UST: variants seen among roughly 807,000 people sequenced by gnomAD.
UST encodes uronyl 2-sulfotransferase, also known as chondroitin sulfate 2-O-sulfotransferase.
A neutral mutation model predicts 45.6 loss-of-function variants in UST; 21 were observed. The ratio of observed to expected loss-of-function variants is 0.46; its 90% confidence interval spans 0.33 to 0.66. UST has a LOEUF of 0.66. UST is among the 30% of genes least tolerant of loss of function. The pLI is 0.02. For missense variants in UST, 463 were observed against 512.4 expected (o/e 0.90, Z 0.93); for synonymous variants, 215 against 200.6 (o/e 1.07, Z -0.61).
chr6:148,908,904 T>C (rs1049596291), intron 2 of UST, among the ~76,000 whole-genome samples: 1 of 152,232 alleles, frequency 6.6e-6, no homozygotes, highest in Non-Finnish European at 1.5e-5. Flanking sequence ...TAAATTAGTC[T>C]ATCAGTTCAT....
intron 1 of UST, among the ~76,000 whole-genome samples, chr6:148,871,153 TCC>T (rs1236755062): frequency 8.6e-5 from 13 of 150,800 alleles, no homozygotes; most frequent in African/African-American, 2.9e-4. Context: ...TCTCCCTCTC[TCC>T]CTCTCTCTCT....
At chr6:148,834,419 T>C (rs945977729) in intron 1 of UST, among the ~76,000 whole-genome samples, 1 of 152,072 alleles carries the variant, frequency 6.6e-6, no homozygotes, top group Non-Finnish European at 1.5e-5. Flanking sequence ...AGCCACTCAT[T>C]CATTTAGTCC....
At chr6:149,069,795 A>G (rs1028335228) in intron 7 of UST, among the ~76,000 whole-genome samples, 4 of 152,248 alleles carry the variant, frequency 2.6e-5, no homozygotes, top group African/African-American at 9.6e-5. Context: ...GAAATTAATA[A>G]CCATTTATAT....
intron 1 of UST, among the ~76,000 whole-genome samples, chr6:148,814,020 G>T (rs1180161382): frequency 6.6e-6 from 1 of 152,050 alleles, no homozygotes; most frequent in Non-Finnish European, 1.5e-5. Context: ...AACCCATCTG[G>T]ATGCATTTAC....
chr6:148,918,670 C>T (rs9498177), intron 2 of UST, among the ~76,000 whole-genome samples: 23,412 of 152,142 alleles, frequency 0.15, 2,007 homozygotes, highest in Middle Eastern at 0.27. Flanking sequence ...GATTAGGCTC[C>T]GCCAGATGGC....
chr6:148,930,085 G>A (rs528262942), intron 2 of UST, among the ~76,000 whole-genome samples: 17 of 152,238 alleles, frequency 1.1e-4, no homozygotes, highest in African/African-American at 2.6e-4. Flanking sequence ...CCAAGACTCC[G>A]TTCAAATGCC....
intron 4 of UST, among the ~76,000 whole-genome samples, chr6:148,956,342 G>A (rs1780501992): frequency 6.6e-6 from 1 of 151,236 alleles, no homozygotes; most frequent in Non-Finnish European, 1.5e-5. Context: ...TCAGAATCAT[G>A]GCAGGAGTCG....
intron 7 of UST, among the ~76,000 whole-genome samples, chr6:149,049,923 T>TCACACA (rs1165179256): frequency 1.1e-4 from 11 of 102,978 alleles, no homozygotes; most frequent in African/African-American, 3.4e-4. Context: ...TCTCTCTCTC[T>TCACACA]CTCTCTCTCA....
intron 2 of UST, among the ~76,000 whole-genome samples, chr6:148,895,311 T>A (rs1244327742): frequency 6.6e-6 from 1 of 152,186 alleles, no homozygotes; most frequent in Non-Finnish European, 1.5e-5. Flanking sequence ...AAAAACATAT[T>A]ATATTACATC....
chr6:148,778,776 T>C (rs1776581599), intron 1 of UST, among the ~76,000 whole-genome samples: 1 of 152,138 alleles, frequency 6.6e-6, no homozygotes, highest in African/African-American at 2.4e-5. Flanking sequence ...ACTCCAGGCC[T>C]GGGGCAACTT....
intron 2 of UST, among the ~76,000 whole-genome samples, chr6:148,917,443 T>C (rs1040072438): frequency 2.6e-5 from 4 of 152,366 alleles, no homozygotes; most frequent in African/African-American, 9.6e-5. Flanking sequence ...AGACCGTCTT[T>C]ACCCCATGAG....
At chr6:149,003,145 C>T (rs1246401772) in intron 5 of UST, among the ~76,000 whole-genome samples, 1 of 152,126 alleles carries the variant, frequency 6.6e-6, no homozygotes. Flanking sequence ...TAGACCATAT[C>T]GTGGCATGAT....
intron 5 of UST, among the ~76,000 whole-genome samples, chr6:148,988,787 T>C (rs1781290472): frequency 6.6e-6 from 1 of 152,040 alleles, no homozygotes; most frequent in Non-Finnish European, 1.5e-5. Context: ...CGCTTCATCA[T>C]TTCCAAGTCC....
chr6:148,957,068 T>C (rs1162104144), intron 4 of UST, among the ~76,000 whole-genome samples: 1 of 152,156 alleles, frequency 6.6e-6, no homozygotes, highest in African/African-American at 2.4e-5. Context: ...AGGGATGCAG[T>C]GCAACCCAGG....
intron 1 of UST, among the ~76,000 whole-genome samples, chr6:148,873,896 A>G (rs1266331538): frequency 2.6e-5 from 4 of 152,342 alleles, no homozygotes; most frequent in Non-Finnish European, 4.4e-5. Flanking sequence ...ATTCTTAGTC[A>G]TCTTCACCTT....
At position 148,879,934 on chromosome 6, in the gene UST, CTTTTTTCTTTT is replaced by C. The variant is rs1399032872; in HGVS notation, c.248-7034_248-7024del. Among the ~76,000 whole-genome samples, 287 of 142,994 alleles carry C rather than the reference CTTTTTTCTTTT, an allele frequency of 2.0e-3. 1 individual carries two copies. The highest frequency in any genetic ancestry group is 1.7e-3 in the Non-Finnish European group (113 of 66,644). The allele number at this position is 142,994 out of a possible 152,430, so 93.8% of individuals were successfully genotyped here. A position where few individuals can be genotyped will look rare whatever the true frequency, so the allele number is the denominator to read the frequency against. On this transcript the variant is annotated intron_variant, in intron 1 of 7. Transcript: ENST00000367463. ...TCTAGGTGCAAGATATCTGACTTTT[CTTTTTTCTTTT>C]TTTTTTCTTTTTTTTTTTTTTTGAC...
intron 1 of UST, among the ~76,000 whole-genome samples, chr6:148,763,358 T>G (rs1202954207): frequency 6.6e-6 from 1 of 152,198 alleles, no homozygotes; most frequent in Non-Finnish European, 1.5e-5. Context: ...TAGGGTTATT[T>G]GCTTTTTTCT....
At chr6:148,769,740 G>A (rs1776385802) in intron 1 of UST, among the ~76,000 whole-genome samples, 1 of 142,394 alleles carries the variant, frequency 7.0e-6, no homozygotes, top group African/African-American at 2.8e-5. Context: ...AGGAATGTAG[G>A]AGCCTGTGTT....
intron 1 of UST, among the ~76,000 whole-genome samples, chr6:148,810,631 G>C (rs1478623608): frequency 6.6e-6 from 1 of 152,106 alleles, no homozygotes; most frequent in East Asian, 1.9e-4. Context: ...TAAGTACCAG[G>C]GTAGTTCTGG....
Sources: allele counts gnomAD v4.1 joint callset (sites outside exome capture counted in the v4.1 genomes callset), GRCh38; gene constraint gnomAD v4.1.1; transcripts MANE v1.5; gene names NCBI Gene and HGNC (gene_info 2026-07-23, HGNC 2026-07-21).